CCDC160: variants seen among roughly 807,000 people sequenced by gnomAD.
CCDC160 encodes coiled-coil domain-containing protein 160.
For synonymous variants in CCDC160, 94 were observed against 79.4 expected (o/e 1.18, Z -0.98); for missense variants, 227 against 215.6 (o/e 1.05, Z -0.33).
intron 1 of CCDC160, among the ~76,000 whole-genome samples, chrX:134,242,564 A>AGTGT (rs371345902): frequency 8.6e-5 from 9 of 104,945 alleles, no homozygotes; most frequent in African/African-American, 2.7e-4. Flanking sequence ...AAAATTAAAA[A>AGTGT]GTGTGTGTGT....
rs902069967 is a variant in CCDC160, at chrX:134,244,917, T to C, written c.117T>C (p.Asp39=). 2.5e-6 allele frequency: 3 copies of C among 1,204,461 alleles called. No individual in the cohort carries two copies. In the African/African-American group the frequency reaches 5.2e-5, roughly 21 times the overall value. The change falls in exon 2 of 2, where the codon GAT becomes GAC. Residue 39 remains aspartate (D), a synonymous_variant. Coordinates refer to ENST00000370809, the Ensembl canonical transcript of CCDC160. The stretch of plus-strand genomic sequence containing the variant: ...CTTCTTCTGAACAAACGACTGCAGA[T>C]AGCAGCAAGGGAATGGAAGAAATTT...
At chrX:134,246,001 C>A (rs868565380), downstream of CCDC160, 1 of 242,347 alleles carries the variant, frequency 4.1e-6, no homozygotes, top group Non-Finnish European at 6.5e-6. Flanking sequence ...AATCTCATAT[C>A]AGAGTGTGTG....
Position 134,245,485 on chromosome X carries a change from G to GA in CCDC160, c.687dup (p.Val230SerfsTer17). On this transcript the variant is annotated frameshift_variant, in exon 2 of 2. Transcript: ENST00000370809. LOFTEE classifies it low-confidence loss of function (END_TRUNC). ...AAGTGAACAGCTCCAGCAAGCCAAA[G>GA]AAGTCATCCACAAATTGAACCTAGA... The GA allele has an allele frequency of 8.4e-7, 1 of 1,192,710 alleles. No individual in the cohort carries two copies. Among genetic ancestry groups the GA allele is most frequent in the East Asian group, 3.0e-5 (1 of 33,272 alleles).
At chrX:134,244,284 T>C (rs996826288) in intron 1 of CCDC160, among the ~76,000 whole-genome samples, 1 of 111,781 alleles carries the variant, frequency 8.9e-6, no homozygotes, top group African/African-American at 3.2e-5. Context: ...TGGTATACTT[T>C]ACCAAAAGCA....
downstream of CCDC160, chrX:134,245,865 T>A: frequency 1.6e-6 from 1 of 613,002 alleles, no homozygotes; most frequent in Non-Finnish European, 2.3e-6. Context: ...AAAATATATG[T>A]AATAGGATGT....
rs201432273 is a variant in CCDC160 at position 134,245,507 on chromosome X, T to G, written c.707T>G (p.Leu236Arg). The G allele has an allele frequency of 1.2e-5, 14 of 1,193,336 alleles. No individual in the cohort carries two copies. Among genetic ancestry groups the G allele is most frequent in the Middle Eastern group, 4.6e-4 (2 of 4,330 alleles). ...AAAGAAGTCATCCACAAATTGAACC[T>G]AGAGAACAGAAATTTAAAAGAAGCT... The change falls in exon 2 of 2, where the codon CTA becomes CGA. Residue 236 changes from leucine to arginine, a missense_variant. Leu to Arg is a moderately radical substitution (Grantham distance 102). Coordinates refer to ENST00000370809, the Ensembl canonical transcript of CCDC160.
intron 1 of CCDC160, among the ~76,000 whole-genome samples, chrX:134,239,861 A>G (rs2124125260): frequency 8.9e-6 from 1 of 112,114 alleles, no homozygotes; most frequent in South Asian, 3.7e-4. Flanking sequence ...TGAGGCTTGC[A>G]GTTCTAAAAT....
At chrX:134,246,480 A>G (rs1426393937), downstream of CCDC160, among the ~76,000 whole-genome samples, 1 of 111,244 alleles carries the variant, frequency 9.0e-6, no homozygotes, top group Admixed American at 9.6e-5. Context: ...TCTTATGTTG[A>G]CCAGTAAGGG....
intron 1 of CCDC160, among the ~76,000 whole-genome samples, chrX:134,242,894 T>C (rs916253356): frequency 6.3e-5 from 7 of 111,306 alleles, no homozygotes; most frequent in African/African-American, 2.3e-4. Context: ...TTATCATCTA[T>C]ATAATTGTTG....
chrX:134,240,413 T>C (rs2077023390), intron 1 of CCDC160, among the ~76,000 whole-genome samples: 1 of 111,405 alleles, frequency 9.0e-6, no homozygotes, highest in Non-Finnish European at 1.9e-5. Flanking sequence ...CCATGCCCCT[T>C]GTTGAGAGCT....
At chrX:134,238,514 A>G (rs1345377378) in intron 1 of CCDC160, among the ~76,000 whole-genome samples, 1 of 108,265 alleles carries the variant, frequency 9.2e-6, no homozygotes, top group Non-Finnish European at 1.9e-5. Context: ...CTGGGATTAC[A>G]GGCGCGTGCC....
exon 2 of CCDC160, chrX:134,245,717 A>G (rs753902364): frequency 2.5e-6 from 3 of 1,185,875 alleles, no homozygotes; most frequent in Non-Finnish European, 2.3e-6. Context: ...AGAAAATACT[A>G]TGCTTCTTCA....
exon 2 of CCDC160, chrX:134,244,906 A>G: frequency 8.3e-7 from 1 of 1,205,306 alleles, no homozygotes. Flanking sequence ...TTCTGAACAA[A>G]CGACTGCAGA....
chrX:134,244,121 A>G (rs1466968817), intron 1 of CCDC160, among the ~76,000 whole-genome samples: 1 of 111,962 alleles, frequency 8.9e-6, no homozygotes. Context: ...AATTGTTGAC[A>G]TTAGATTCTC....
chrX:134,245,876 T>G, downstream of CCDC160: 1 of 590,803 alleles, frequency 1.7e-6, no homozygotes, highest in Non-Finnish European at 2.5e-6. Flanking sequence ...AATAGGATGT[T>G]ATTTTCATTT....
chrX:134,243,781 C>G (rs1486081755), intron 1 of CCDC160, among the ~76,000 whole-genome samples: 3 of 111,331 alleles, frequency 2.7e-5, no homozygotes, highest in Admixed American at 9.6e-5. Context: ...TAAAGTGACC[C>G]TCTCCTTCTT....
exon 2 of CCDC160, chrX:134,245,769 T>A: frequency 9.0e-7 from 1 of 1,111,575 alleles, no homozygotes; most frequent in South Asian, 2.4e-5. Flanking sequence ...TTACTGGGGA[T>A]TTTTTTTAAA....
intron 1 of CCDC160, among the ~76,000 whole-genome samples, chrX:134,237,829 T>G (rs1042640738): frequency 4.5e-5 from 5 of 112,210 alleles, no homozygotes; most frequent in Non-Finnish European, 9.4e-5. Flanking sequence ...GTATCTTTTC[T>G]TCTAGAAGGA....
At chrX:134,239,301 G>A (rs767012447) in intron 1 of CCDC160, among the ~76,000 whole-genome samples, 1 of 112,007 alleles carries the variant, frequency 8.9e-6, no homozygotes, top group Admixed American at 9.5e-5. Flanking sequence ...AATCATCCTT[G>A]CTAATCTTCA....
Sources: gnomAD v4.1 joint callset for allele counts (sites outside exome capture counted in the v4.1 genomes callset) on GRCh38, gnomAD v4.1.1 for gene constraint, MANE v1.5 for transcripts, NCBI Gene and HGNC (gene_info 2026-07-23, HGNC 2026-07-21) for gene names.